PTK2B: variants seen among roughly 807,000 people sequenced by gnomAD.
PTK2B encodes the protein protein-tyrosine kinase 2-beta.
In PTK2B, 71 loss-of-function variants were observed where a neutral mutation model predicts 142.9. The ratio of observed to expected loss-of-function variants is 0.50; its 90% CI spans 0.41 to 0.61. PTK2B has a LOEUF of 0.61. PTK2B is among the 20% of genes least tolerant of loss of function. PTK2B has a pLI of 0.00. For synonymous variants in PTK2B, 519 were observed against 503.4 expected, an observed-to-expected ratio of 1.03 and a Z score of -0.42; for missense variants, 1,105 against 1,320.4, an observed-to-expected ratio of 0.84 and a Z score of 2.53.
At chr8:27,451,812 C>T (rs1441261653) in intron 27 of PTK2B, 2 of 1,271,812 alleles carry the variant, frequency 1.6e-6, no homozygotes, top group Admixed American at 3.8e-5. Flanking sequence ...TTCCTCATTT[C>T]CTGCTCTGTT....
At chr8:27,410,241 G>A (rs1314047814) in intron 2 of PTK2B, among the ~76,000 whole-genome samples, 1 of 152,228 alleles carries the variant, frequency 6.6e-6, no homozygotes, top group Non-Finnish European at 1.5e-5. Flanking sequence ...GCGTGTTGAT[G>A]GGAGCTCCCA....
In PTK2B at chr8:27,459,341, CTTCT is replaced by C. The variant is rs1160764303; in HGVS notation, c.*837_*840del. The C allele has an allele frequency of 4.7e-5, 11 of 233,156 alleles. No homozygotes were observed. Among genetic ancestry groups the C allele is most frequent in the African/African-American group, 1.8e-4 (8 of 45,344 alleles). The allele number at this position is 233,156 out of a possible 1,614,324, so 14.4% of individuals were successfully genotyped here. A position where few individuals can be genotyped will look rare whatever the true frequency, so the allele number is the denominator to read the frequency against. The stretch of plus-strand genomic sequence containing the variant: ...TGTGTTTGCATAAACATTCTTTTAA[CTTCT>C]TTCTATTTGACTTGTGGTTGAATTA... On this transcript the variant is annotated 3_prime_UTR_variant, in exon 31 of 31. Coordinates refer to ENST00000346049, the MANE Select transcript of PTK2B (RefSeq NM_173176.3).
intron 1 of PTK2B, among the ~76,000 whole-genome samples, chr8:27,331,476 C>CTT (rs34956940): frequency 7.9e-5 from 12 of 151,408 alleles, no homozygotes; most frequent in Middle Eastern, 3.2e-3. Flanking sequence ...TTTTTCTTTT[C>CTT]TTTTTTTGAG....
intron 1 of PTK2B, among the ~76,000 whole-genome samples, chr8:27,331,977 A>T (rs907091363): frequency 1.3e-5 from 2 of 151,894 alleles, no homozygotes; most frequent in African/African-American, 4.8e-5. Context: ...GAGAGATCTG[A>T]TGCTGCTGCA....
intron 2 of PTK2B, among the ~76,000 whole-genome samples, chr8:27,418,706 G>A (rs1430900550): frequency 3.3e-5 from 5 of 152,176 alleles, no homozygotes; most frequent in Admixed American, 6.5e-5. Flanking sequence ...CCAACAATAT[G>A]TGGAACTACA....
intron 2 of PTK2B, among the ~76,000 whole-genome samples, chr8:27,416,734 A>C (rs764038873): frequency 3.5e-4 from 54 of 152,214 alleles, no homozygotes; most frequent in Non-Finnish European, 7.2e-4. Flanking sequence ...TTTTACCTAG[A>C]ATGTATAAAA....
chr8:27,420,937 C>A (rs1330153994), intron 4 of PTK2B, among the ~76,000 whole-genome samples, 193 bp downstream of exon 4: 1 of 152,188 alleles, frequency 6.6e-6, no homozygotes, highest in African/African-American at 2.4e-5. Context: ...AGTATTTAAG[C>A]ACTGGCTAAA....
chr8:27,420,059 G>A lies in PTK2B; in HGVS notation c.369G>A (p.Val123=), dbSNP rs1437932094. The A allele has an allele frequency of 6.2e-7, 1 of 1,614,048 alleles. No individual in the cohort carries two copies. The highest frequency in any genetic ancestry group is 1.3e-5 in the African/African-American group (1 of 74,922). Residue 123 remains valine, a synonymous_variant, in exon 3 of 31, where the codon GTG becomes GTA. Coordinates refer to ENST00000346049, the MANE Select transcript of PTK2B (RefSeq NM_173176.3). ...AGGACAAGTATGAGTGTCTGCACGT[G>A]GAAGCCGAGTGGAGGTAGGAGTGGA... ...EVQDKYECLH[V]EAEWRYDLQI...
intron 1 of PTK2B, among the ~76,000 whole-genome samples, chr8:27,342,833 G>T (rs1041629538): frequency 6.6e-6 from 1 of 152,286 alleles, no homozygotes; most frequent in Middle Eastern, 3.4e-3. Context: ...CCCCTCAGTG[G>T]GTCACATAGA....
chr8:27,401,075 G>T (rs751127793), intron 2 of PTK2B, among the ~76,000 whole-genome samples: 2 of 152,178 alleles, frequency 1.3e-5, no homozygotes, highest in Non-Finnish European at 2.9e-5. Context: ...GAAGGTGGAG[G>T]TTGCAGTGAG....
chr8:27,410,967 A>T (rs1809022385), intron 2 of PTK2B, among the ~76,000 whole-genome samples: 1 of 152,252 alleles, frequency 6.6e-6, no homozygotes, highest in African/African-American at 2.4e-5. Flanking sequence ...CCAGGCTGTG[A>T]GCCATGGGCA....
intron 2 of PTK2B, among the ~76,000 whole-genome samples, chr8:27,413,070 TA>T (rs145566611): frequency 0.017 from 2,556 of 151,832 alleles, 29 homozygotes; most frequent in Middle Eastern, 0.045. Flanking sequence ...AGGACTCCCA[TA>T]TAGCTTTCTC....
rs557488976 is a variant in PTK2B, at chr8:27,426,186, A to C, written c.551+3803A>C. On this transcript the variant is annotated intron_variant, in intron 5 of 30. Transcript: ENST00000346049. ...CACAGCTTGCTTTGCTTCAAAAGGCATCTTGGTTTGTAGTTAATTTCTATT... is the reference window on the plus strand; with the variant it reads ...CACAGCTTGCTTTGCTTCAAAAGGCCTCTTGGTTTGTAGTTAATTTCTATT... Among the ~76,000 whole-genome samples, 3 of 152,388 alleles carry C rather than the reference A, an allele frequency of 2.0e-5. 1 individual carries two copies. In the South Asian group the frequency reaches 6.2e-4, roughly 32 times the overall value.
At chr8:27,364,742 G>T (rs1375826516) in intron 1 of PTK2B, among the ~76,000 whole-genome samples, 1 of 152,270 alleles carries the variant, frequency 6.6e-6, no homozygotes, top group East Asian at 1.9e-4. Flanking sequence ...TCCAATTGAC[G>T]GGAGAAGATT....
At chr8:27,431,968 A>T (rs1390162015) in intron 9 of PTK2B, 1 of 351,958 alleles carries the variant, frequency 2.8e-6, no homozygotes, top group African/African-American at 2.1e-5. Flanking sequence ...AAACTTTCTT[A>T]AAACATGTTG....
At chr8:27,320,355 ACTAT>A (rs1803184207) in intron 3 of PTK2B, among the ~76,000 whole-genome samples, 1 of 152,134 alleles carries the variant, frequency 6.6e-6, no homozygotes, top group Non-Finnish European at 1.5e-5. Context: ...CAATTCAGAC[ACTAT>A]CTACCTGGAG....
At chr8:27,409,980 C>G (rs1808958464) in intron 2 of PTK2B, among the ~76,000 whole-genome samples, 1 of 152,178 alleles carries the variant, frequency 6.6e-6, no homozygotes, top group Non-Finnish European at 1.5e-5. Flanking sequence ...CCTCGGCCTC[C>G]CAAAGGGCTG....
intron 1 of PTK2B, among the ~76,000 whole-genome samples, chr8:27,356,946 T>G (rs1028204304): frequency 3.3e-5 from 5 of 152,180 alleles, no homozygotes; most frequent in Admixed American, 6.5e-5. Flanking sequence ...CAAAGAAGTC[T>G]TTTCACGGTG....
chr8:27,317,611 C>T (rs1000338339), intron 3 of PTK2B, among the ~76,000 whole-genome samples: 5 of 152,014 alleles, frequency 3.3e-5, no homozygotes, highest in Non-Finnish European at 7.4e-5. Context: ...TCTGCCTTTG[C>T]GTTTTGAAAA....
Sources: gnomAD v4.1 joint callset for allele counts (sites outside exome capture counted in the v4.1 genomes callset) on GRCh38, gnomAD v4.1.1 for gene constraint, MANE v1.5 for transcripts, NCBI Gene and HGNC (gene_info 2026-07-23, HGNC 2026-07-21) for gene names.